Variants in RECQL observed in about 807,000 individuals in gnomAD.
The protein encoded by RECQL is RecQ like helicase.
RECQL carries 73 observed loss-of-function variants against 75.8 expected under a neutral mutation model. The observed-to-expected ratio is 0.96, with a 90% CI of 0.80 to 1.17. The LOEUF (loss-of-function observed/expected upper bound fraction) is 1.17, where lower values mean the gene tolerates loss of function less well. RECQL is among the 50% of genes most tolerant of loss of function. The pLI, the probability that RECQL is intolerant of heterozygous loss-of-function variation, is 0.00. For missense variants in RECQL, 699 were observed against 772.1 expected (o/e 0.91, Z 1.12); for synonymous variants, 248 against 254.4 (o/e 0.97, Z 0.24).
At chr12:21,498,397 G>GA (rs1943547030) in intron 2 of RECQL, among the ~76,000 whole-genome samples, 1 of 152,164 alleles carries the variant, frequency 6.6e-6, no homozygotes, top group Admixed American at 6.5e-5. Context: ...ATCCGCTAGT[G>GA]AAATTTTTGC....
At chr12:21,483,313 T>C in intron 6 of RECQL, 63 bp downstream of exon 6, 1 of 1,045,690 alleles carries the variant, frequency 9.6e-7, no homozygotes, top group Non-Finnish European at 1.4e-6. Context: ...ATTTCCATCA[T>C]GCCAAGCTGA....
At chr12:21,496,373 T>C (rs1565576583) in intron 2 of RECQL, among the ~76,000 whole-genome samples, 1 of 152,242 alleles carries the variant, frequency 6.6e-6, no homozygotes, top group Non-Finnish European at 1.5e-5. Context: ...CCTGTTATTA[T>C]AGCATAGGGG....
chr12:21,487,664 T>C (rs1222462320), intron 4 of RECQL, among the ~76,000 whole-genome samples: 3 of 152,194 alleles, frequency 2.0e-5, no homozygotes, highest in Non-Finnish European at 4.4e-5. Context: ...CATTTAAACA[T>C]GGTCAAGTCC....
intron 5 of RECQL, among the ~76,000 whole-genome samples, chr12:21,485,778 C>T (rs941287729): frequency 1.3e-5 from 2 of 151,754 alleles, no homozygotes; most frequent in African/African-American, 4.8e-5. Flanking sequence ...AAAGATTAGC[C>T]GTATGTTGAT....
chr12:21,496,752 T>C lies in RECQL; in HGVS notation c.16+2803A>G, dbSNP rs149196101. 8.6e-3 allele frequency among the ~76,000 whole-genome samples: 1,316 copies of C among 152,312 alleles called. 13 individuals carry two copies. The highest frequency in any genetic ancestry group is 0.041 in the Middle Eastern group (12 of 294). ...TTCTATATCTGGCCCCTCCTATTAC[T>C]AAGAGAGCAGCACAGAGCCTAATGG... On this transcript the variant is annotated intron_variant, in intron 2 of 14. Transcript: ENST00000444129.
intron 5 of RECQL, 100 bp from the exon 6 acceptor site, chr12:21,483,674 T>G: frequency 1.2e-6 from 1 of 845,120 alleles, no homozygotes; most frequent in Non-Finnish European, 1.8e-6. Flanking sequence ...AAAGCAATAA[T>G]AGCCTTTGGC....
In RECQL at chr12:21,471,581, TC is replaced by T; in HGVS notation, c.1513del (p.Glu505AsnfsTer2). On this transcript the variant is annotated frameshift_variant, in exon 13 of 15. Coordinates refer to ENST00000444129, the MANE Select transcript of RECQL (RefSeq NM_002907.4). LOFTEE classifies it high-confidence loss of function. The part of the protein sequence containing the change: ...DLIKILKQAE[E>X]LNEKLTPLKL... ...CAATGGAGTGAGTTTTTCATTCAGT[TC>T]CTCTGCCTGCTTCAGGATCTTGATT... 1 of 1,612,846 alleles carries T rather than the reference TC, an allele frequency of 6.2e-7. No homozygotes were observed. The highest frequency in any genetic ancestry group is 1.3e-5 in the African/African-American group (1 of 74,954).
At chr12:21,480,709 T>C (rs1215142575) in intron 6 of RECQL, among the ~76,000 whole-genome samples, 1 of 152,142 alleles carries the variant, frequency 6.6e-6, no homozygotes, top group Non-Finnish European at 1.5e-5. Flanking sequence ...AGGCTTCTCA[T>C]CCCTGCAGCA....
chr12:21,471,604 G>C lies in RECQL; in HGVS notation c.1491C>G (p.Ile497Met), dbSNP rs1942966942. 2 of 1,612,698 alleles carry C rather than the reference G, an allele frequency of 1.2e-6. No homozygotes were observed. The highest frequency in any genetic ancestry group is 8.5e-7 in the Non-Finnish European group (1 of 1,179,134). Residue 497 changes from isoleucine (I) to methionine (M), a missense_variant, in exon 13 of 15, where the codon ATC becomes ATG. Ile to Met is a conservative substitution (Grantham distance 10). Coordinates refer to ENST00000444129, the MANE Select transcript of RECQL (RefSeq NM_002907.4). ...GTTCCTCTGCCTGCTTCAGGATCTTGATTAGATCTCTGCAGTACTCTGTTA... is the reference window on the plus strand; with the variant it reads ...GTTCCTCTGCCTGCTTCAGGATCTTCATTAGATCTCTGCAGTACTCTGTTA... ...KNITEYCRDLIKILKQAEELN... is the reference protein window; with the variant it reads ...KNITEYCRDLMKILKQAEELN...
intron 6 of RECQL, among the ~76,000 whole-genome samples, chr12:21,482,112 G>A (rs989020726): frequency 2.0e-5 from 3 of 151,650 alleles, no homozygotes; most frequent in African/African-American, 7.3e-5. Context: ...TCAGAAGGGT[G>A]TTTTAGTTTC....
Position 21,475,589 on chromosome 12 carries a change from A to AT in RECQL, c.1099-5_1099-4insA, listed in dbSNP as rs1472826465. On this transcript the variant is annotated splice_polypyrimidine_tract_variant and splice_region_variant and intron_variant, in intron 9 of 14. Coordinates refer to ENST00000444129, the MANE Select transcript of RECQL (RefSeq NM_002907.4). ...ATGCAACAGTTGCCACTACTACCTG[A>AT]AATATTTTAACATTTTATCAGTTAA... The AT allele has an allele frequency of 1.9e-6, 3 of 1,609,996 alleles. No individual in the cohort carries two copies. The Admixed American group carries it at 5.0e-5, about 27-fold the overall frequency.
At chr12:21,492,384 C>A (rs1290521608) in intron 2 of RECQL, among the ~76,000 whole-genome samples, 4 of 152,206 alleles carry the variant, frequency 2.6e-5, no homozygotes, top group African/African-American at 9.6e-5. Flanking sequence ...TTTGATACCA[C>A]ATCGATGGAA....
At chr12:21,496,675 G>A (rs1292365979) in intron 2 of RECQL, among the ~76,000 whole-genome samples, 1 of 152,232 alleles carries the variant, frequency 6.6e-6, no homozygotes, top group Non-Finnish European at 1.5e-5. Context: ...CTTGGTGAGA[G>A]TCAAAGGGTA....
intron 3 of RECQL, among the ~76,000 whole-genome samples, chr12:21,491,077 C>G (rs1943402779): frequency 6.6e-6 from 1 of 152,092 alleles, no homozygotes; most frequent in African/African-American, 2.4e-5. Context: ...GCAACATCCA[C>G]AAAAAGCACA....
At chr12:21,482,957 A>G (rs1943219924) in intron 6 of RECQL, among the ~76,000 whole-genome samples, 1 of 152,216 alleles carries the variant, frequency 6.6e-6, no homozygotes, top group Non-Finnish European at 1.5e-5. Flanking sequence ...CAGAATGATG[A>G]CTAAAGATGA....
At chr12:21,472,960 T>G (rs1186584955) in intron 12 of RECQL, among the ~76,000 whole-genome samples, 1 of 152,130 alleles carries the variant, frequency 6.6e-6, no homozygotes, top group Non-Finnish European at 1.5e-5. Flanking sequence ...TTATTAAAAA[T>G]TTCACATCCT....
intron 8 of RECQL, 85 bp from the exon 9 acceptor site, chr12:21,475,909 T>G: frequency 3.7e-6 from 4 of 1,091,840 alleles, no homozygotes; most frequent in East Asian, 2.4e-5. Flanking sequence ...GGACATTGAT[T>G]AATACAATGC....
At position 21,477,000 on chromosome 12, in the gene RECQL, A is replaced by G; in HGVS notation, c.868-8T>C. On this transcript the variant is annotated splice_region_variant and splice_polypyrimidine_tract_variant and intron_variant, in intron 7 of 14. Transcript: ENST00000444129. ...TGAGGGCTTCTGCCGAACCTAAAAA[A>G]AACTTAACTTATTAAAAAGTAAATG... 1 of 1,598,850 alleles carries G rather than the reference A, an allele frequency of 6.3e-7. No homozygotes were observed. Among genetic ancestry groups the G allele is most frequent in the South Asian group, 1.1e-5 (1 of 88,232 alleles).
At chr12:21,480,194 G>A (rs1405064770) in intron 6 of RECQL, among the ~76,000 whole-genome samples, 1 of 152,170 alleles carries the variant, frequency 6.6e-6, no homozygotes, top group Non-Finnish European at 1.5e-5. Flanking sequence ...ATTACCCTAT[G>A]GGCCCCAGTT....
Sources: allele counts gnomAD v4.1 joint callset (sites outside exome capture counted in the v4.1 genomes callset), GRCh38; gene constraint gnomAD v4.1.1; transcripts MANE v1.5; gene names NCBI Gene and HGNC (gene_info 2026-07-23, HGNC 2026-07-21).